Variants in IKBKB observed in about 807,000 individuals in gnomAD.
IKBKB encodes the protein inhibitor of nuclear factor kappa B kinase subunit beta, also known as inhibitor of nuclear factor kappa-B kinase subunit beta.
A neutral mutation model predicts 113.6 loss-of-function variants in IKBKB; 42 were observed. The ratio of observed to expected loss-of-function variants is 0.37; its 90% CI spans 0.29 to 0.48. The LOEUF is 0.48. Ranked by LOEUF, IKBKB falls within the 20% of genes least tolerant of loss-of-function variation. The probability of loss-of-function intolerance (pLI) is 0.99; values close to 1 mark genes in which losing one functional copy is unlikely to be tolerated. For missense variants in IKBKB, 673 were observed against 939.7 expected, an observed-to-expected ratio of 0.72 and a Z score of 3.71; for synonymous variants, 296 against 361.3, an observed-to-expected ratio of 0.82 and a Z score of 2.05.
intron 12 of IKBKB, 67 bp downstream of exon 12, chr8:42,317,838 G>A: frequency 8.4e-7 from 1 of 1,185,608 alleles, no homozygotes; most frequent in Non-Finnish European, 1.3e-6. Context: ...GGCAGGGAAG[G>A]GAGACTGGAC....
intron 2 of IKBKB, among the ~76,000 whole-genome samples, chr8:42,273,821 G>A (rs1042840221): frequency 2.0e-5 from 3 of 151,902 alleles, no homozygotes; most frequent in African/African-American, 4.8e-5. Context: ...TCAAAGTGCT[G>A]GGATTACAGC....
chr8:42,274,249 C>CA (rs1563289547), intron 2 of IKBKB, among the ~76,000 whole-genome samples: 1 of 152,136 alleles, frequency 6.6e-6, no homozygotes, highest in Non-Finnish European at 1.5e-5. Flanking sequence ...ATGCCGGTCT[C>CA]AAACTCCTGA....
chr8:42,320,670 C>T (rs956710488), intron 15 of IKBKB, 65 bp from the exon 16 acceptor site: 8 of 1,348,584 alleles, frequency 5.9e-6, no homozygotes, highest in Non-Finnish European at 8.5e-6. Context: ...CTCGCTCCCC[C>T]GCAGATCTTG....
intron 2 of IKBKB, among the ~76,000 whole-genome samples, chr8:42,281,178 G>A (rs975886812): frequency 1.3e-5 from 2 of 152,134 alleles, no homozygotes; most frequent in African/African-American, 4.8e-5. Flanking sequence ...AGGCTTCTTG[G>A]GGTGAATGGA....
chr8:42,283,413 T>C (rs1457173267), intron 2 of IKBKB, among the ~76,000 whole-genome samples: 2 of 152,204 alleles, frequency 1.3e-5, no homozygotes, highest in Non-Finnish European at 2.9e-5. Flanking sequence ...TCTAATCAGC[T>C]GACCTTAGAG....
chr8:42,279,622 T>C (rs1411921180), intron 2 of IKBKB, among the ~76,000 whole-genome samples: 1 of 152,300 alleles, frequency 6.6e-6, no homozygotes, highest in East Asian at 1.9e-4. Context: ...TTGAGGAGAC[T>C]GAAGCACAGT....
chr8:42,299,294 G>A (rs1330802332), intron 5 of IKBKB, among the ~76,000 whole-genome samples: 1 of 152,140 alleles, frequency 6.6e-6, no homozygotes, highest in Non-Finnish European at 1.5e-5. Context: ...CTGATTCAAT[G>A]TCAGAGCAAA....
intron 19 of IKBKB, chr8:42,325,328 T>G (rs1279592250): frequency 1.0e-6 from 1 of 985,562 alleles, no homozygotes; most frequent in Non-Finnish European, 1.2e-6. Context: ...TCCCATAGCC[T>G]TTGTGTGTGT....
At chr8:42,273,470 C>T (rs751506526) in intron 2 of IKBKB, among the ~76,000 whole-genome samples, 8 of 151,510 alleles carry the variant, frequency 5.3e-5, no homozygotes, top group Non-Finnish European at 1.0e-4. Flanking sequence ...GATGTCTTCC[C>T]AGTATTGCTT....
intron 4 of IKBKB, among the ~76,000 whole-genome samples, chr8:42,292,240 G>T (rs1040613113): frequency 1.3e-5 from 2 of 152,202 alleles, no homozygotes; most frequent in African/African-American, 4.8e-5. Flanking sequence ...TCTGGAAGTA[G>T]GTGGGATGTG....
At chr8:42,306,877 C>T (rs1353120280) in intron 7 of IKBKB, among the ~76,000 whole-genome samples, 1 of 152,202 alleles carries the variant, frequency 6.6e-6, no homozygotes, top group Non-Finnish European at 1.5e-5. Context: ...GCTCCCCACC[C>T]TTTGTTTACG....
intron 4 of IKBKB, among the ~76,000 whole-genome samples, chr8:42,290,588 C>T (rs964665939): frequency 3.3e-5 from 5 of 152,222 alleles, no homozygotes; most frequent in African/African-American, 4.8e-5. Context: ...AGTTCCAAAA[C>T]AAATGCTTCC....
At chr8:42,293,325 C>T in intron 4 of IKBKB, 118 bp from the exon 5 acceptor site, 2 of 1,235,566 alleles carry the variant, frequency 1.6e-6, no homozygotes, top group South Asian at 2.8e-5. Flanking sequence ...AAAGCAGGTC[C>T]CCTAAAGACC....
rs1250092629 is a variant in IKBKB at position 42,288,787 on chromosome 8, C to G, written c.200+59C>G. Reference sequence around the variant, plus strand: ...GCTGGAGCAGCAGCCCCCGGTGTGTCTAGAAAGGAGAGTCTTGCTGGGTGC... The same window carrying G: ...GCTGGAGCAGCAGCCCCCGGTGTGTGTAGAAAGGAGAGTCTTGCTGGGTGC... On this transcript the variant is annotated intron_variant, in intron 3 of 21. Transcript: ENST00000520810. 3 of 1,384,550 alleles carry G rather than the reference C, an allele frequency of 2.2e-6. No individual in the cohort carries two copies. The African/African-American group carries it at 4.3e-5, about 20-fold the overall frequency. 85.8% of individuals were successfully genotyped at this position (1,384,550 alleles called of 1,614,324 possible). A position where few individuals can be genotyped will look rare whatever the true frequency, so the allele number is the denominator to read the frequency against.
At position 42,331,325 on chromosome 8, in the gene IKBKB, C is replaced by G; in HGVS notation, c.*346C>G. On this transcript the variant is annotated 3_prime_UTR_variant, in exon 22 of 22. Transcript: ENST00000520810. ...GTTCAGGGGTACAGCCATGGCAGCT[C>G]CTTCCTCTGCCGTGAGAAAAGTGCT... 1 of 702,730 alleles carries G rather than the reference C, an allele frequency of 1.4e-6. No homozygotes were observed. The highest frequency in any genetic ancestry group is 2.6e-6 in the Non-Finnish European group (1 of 385,044). 43.5% of individuals were successfully genotyped at this position (702,730 alleles called of 1,614,324 possible).
At position 42,272,034 on chromosome 8, in the gene IKBKB, A is replaced by ATT. The variant is rs140676869; in HGVS notation, c.-18-43_-18-42dup. The ATT allele has an allele frequency of 1.9e-6, 3 of 1,562,296 alleles. No individual in the cohort carries two copies. In the African/African-American group the frequency reaches 4.1e-5, roughly 21 times the overall value. ...TGCCTTCTCCATCCCTTTGAGCTCC[A>ATT]TTTTTTTCTTAATCCTAACCTTTTT... is the stretch of plus-strand genomic sequence containing the variant. On this transcript the variant is annotated intron_variant, in intron 1 of 21. Transcript: ENST00000520810.
At chr8:42,274,879 GTTTGT>G (rs1214655286) in intron 2 of IKBKB, among the ~76,000 whole-genome samples, 1 of 132,518 alleles carries the variant, frequency 7.5e-6, no homozygotes, top group African/African-American at 2.7e-5. Context: ...TTTTTTGTTT[GTTTGT>G]TTTGTTTTTT....
At chr8:42,314,790 G>A (rs1585750526) in intron 9 of IKBKB, among the ~76,000 whole-genome samples, 2 of 148,700 alleles carry the variant, frequency 1.3e-5, no homozygotes, top group African/African-American at 4.9e-5. Context: ...AAAAAAAAAA[G>A]AAAAAAGAAA....
intron 5 of IKBKB, among the ~76,000 whole-genome samples, chr8:42,304,950 A>G (rs1001113970): frequency 6.6e-6 from 1 of 152,218 alleles, no homozygotes; most frequent in African/African-American, 2.4e-5. Context: ...GCACTGCTCT[A>G]GGCTGCAGTT....
Sources: allele counts gnomAD v4.1 joint callset (sites outside exome capture counted in the v4.1 genomes callset), GRCh38; gene constraint gnomAD v4.1.1; transcripts MANE v1.5; gene names NCBI Gene and HGNC (gene_info 2026-07-23, HGNC 2026-07-21).